The following FNBP1 variants were observed in gnomAD, a reference collection of about 807,000 sequenced individuals.
The protein encoded by FNBP1 is formin binding protein 1.
In FNBP1, 26 loss-of-function variants were observed where a neutral mutation model predicts 90.6. That is an observed-to-expected ratio of 0.29 (90% CI 0.21 to 0.40). The LOEUF (loss-of-function observed/expected upper bound fraction) is 0.40. FNBP1 is among the 10% of genes least tolerant of loss of function. FNBP1 has a pLI of 1.00. For synonymous variants in FNBP1, 260 were observed against 265.2 expected (o/e 0.98, Z 0.19); for missense variants, 635 against 768.0 (o/e 0.83, Z 2.05).
chr9:129,894,111 C>A (rs1049851384), intron 16 of FNBP1, among the ~76,000 whole-genome samples: 1 of 151,970 alleles, frequency 6.6e-6, no homozygotes, highest in Admixed American at 6.6e-5. Context: ...AATGTAGAGG[C>A]AGGCAGGGGC....
rs533088855 is a variant in FNBP1 at position 129,956,755 on chromosome 9, G to A, written c.513+605C>T. ...CTCTCAAGAAATTGACTTTCTCTTT[G>A]AAAAGCCATTAAGAGCCACAACCTT... On this transcript the variant is annotated intron_variant, in intron 6 of 16. Transcript: ENST00000446176. 5.9e-5 allele frequency among the ~76,000 whole-genome samples: 9 copies of A among 152,240 alleles called. No individual in the cohort carries two copies. The South Asian group carries it at 1.9e-3, about 32-fold the overall frequency.
intron 1 of FNBP1, among the ~76,000 whole-genome samples, chr9:130,007,797 C>A (rs2055982787): frequency 6.6e-6 from 1 of 152,114 alleles, no homozygotes. Flanking sequence ...GGCTGGATCA[C>A]CTGAGGTCAG....
At chr9:129,910,958 A>C (rs1254642047) in intron 11 of FNBP1, among the ~76,000 whole-genome samples, 3 of 152,184 alleles carry the variant, frequency 2.0e-5, no homozygotes, top group Non-Finnish European at 4.4e-5. Flanking sequence ...TCTAAGATGA[A>C]GCAAAACTAA....
Position 129,890,649 on chromosome 9 carries a change from G to A in FNBP1, c.1847-103C>T. On this transcript the variant is annotated intron_variant, in intron 16 of 16. Transcript: ENST00000446176. This position sits in a 1 kb window ranked among gnomAD's most constrained non-coding sequence, Gnocchi z 5.8. ...TTGGCTACAAACTGCACCGCCCTGGGAGGGGAGGGTAGTGGGAGGGGAGGG... is the reference window on the plus strand; with the variant it reads ...TTGGCTACAAACTGCACCGCCCTGGAAGGGGAGGGTAGTGGGAGGGGAGGG... 2.6e-6 allele frequency: 2 copies of A among 781,272 alleles called. No homozygotes were observed. Among genetic ancestry groups the A allele is most frequent in the South Asian group, 3.0e-5 (2 of 67,734 alleles). 48.4% of individuals were successfully genotyped at this position (781,272 alleles called of 1,614,324 possible). A position where few individuals can be genotyped will look rare whatever the true frequency, so the allele number is the denominator to read the frequency against.
intron 10 of FNBP1, among the ~76,000 whole-genome samples, chr9:129,918,227 T>C (rs2131747457): frequency 6.6e-6 from 1 of 152,356 alleles, no homozygotes; most frequent in South Asian, 2.1e-4. Context: ...TTCGACTTTA[T>C]TTGTGATGGA....
At chr9:129,948,114 A>AC (rs1437126758) in intron 6 of FNBP1, among the ~76,000 whole-genome samples, 10 of 151,402 alleles carry the variant, frequency 6.6e-5, no homozygotes, top group Admixed American at 3.3e-4. Flanking sequence ...ACATAGGGAG[A>AC]CCCCGTCTCT....
chr9:129,902,907 T>G lies in FNBP1; in HGVS notation c.1390A>C (p.Asn464His). ...LDHKLAEVSQ[N>H]IEKLRVETQK... The stretch of plus-strand genomic sequence containing the variant: ...GTCTCTACTCGCAGTTTCTCTATAT[T>G]TTGGCTGACTTCTGCTAATTTGTGA... The change falls in exon 13 of 17, where the codon AAT becomes CAT. Residue 464 changes from asparagine (N) to histidine (H), a missense_variant. Physicochemically the swap from Asn to His is moderately conservative, Grantham distance 68. Coordinates refer to ENST00000446176, the MANE Select transcript of FNBP1 (RefSeq NM_015033.3). 6.2e-7 allele frequency: 1 copy of G among 1,613,616 alleles called. No individual in the cohort carries two copies. Among genetic ancestry groups the G allele is most frequent in the Non-Finnish European group, 8.5e-7 (1 of 1,179,754 alleles).
At chr9:129,920,868 C>T (rs951691572) in intron 10 of FNBP1, among the ~76,000 whole-genome samples, 1 of 152,148 alleles carries the variant, frequency 6.6e-6, no homozygotes, top group African/African-American at 2.4e-5. Context: ...GGTTAACTGA[C>T]AGTTCATATG....
chr9:129,923,939 A>C lies in FNBP1; in HGVS notation c.1075T>G (p.Ser359Ala). The change falls in exon 10 of 17, where the codon TCT becomes GCT. Residue 359 changes from serine to alanine, a missense_variant. Physicochemically the swap from Ser to Ala is moderately conservative, Grantham distance 99. Transcript: ENST00000446176. ...AGGGGTTCCTTTTGCTGCTTGGGAG[A>C]CTGGGGGCCGTTGGGAACAGCAGAG... Reference protein sequence around the residue: ...SPSAVPNGPQSPKQQKEPLSH... With the variant: ...SPSAVPNGPQAPKQQKEPLSH... The C allele has an allele frequency of 6.6e-7, 1 of 1,504,982 alleles. No individual in the cohort carries two copies. The highest frequency in any genetic ancestry group is 8.9e-7 in the Non-Finnish European group (1 of 1,124,116). 93.2% of individuals were successfully genotyped at this position (1,504,982 alleles called of 1,614,324 possible). A position where few individuals can be genotyped will look rare whatever the true frequency, so the allele number is the denominator to read the frequency against.
chr9:130,048,109 CAT>C (rs779891109), upstream of FNBP1, among the ~76,000 whole-genome samples: 14 of 151,612 alleles, frequency 9.2e-5, no homozygotes, highest in Non-Finnish European at 1.9e-4. Context: ...CGCTTGAGCC[CAT>C]GAGTTCAAGA....
At chr9:129,914,135 C>G (rs903019392) in intron 11 of FNBP1, among the ~76,000 whole-genome samples, 1 of 151,516 alleles carries the variant, frequency 6.6e-6, no homozygotes, top group Non-Finnish European at 1.5e-5. Flanking sequence ...AGATTACAGG[C>G]GTGAGCCACC....
intron 1 of FNBP1, among the ~76,000 whole-genome samples, chr9:130,004,123 C>T (rs566892559): frequency 4.0e-4 from 61 of 150,744 alleles, no homozygotes; most frequent in African/African-American, 1.4e-3. Flanking sequence ...ACCGGCTGGG[C>T]GCGGTGGCTC....
intron 1 of FNBP1, chr9:130,013,799 T>C (rs2056913729): frequency 4.4e-6 from 2 of 451,868 alleles, no homozygotes; most frequent in Non-Finnish European, 8.9e-6. Flanking sequence ...AATATCATTA[T>C]CAAAGGAGTG....
At chr9:129,929,197 G>A (rs1408800516) in intron 7 of FNBP1, among the ~76,000 whole-genome samples, 1 of 151,964 alleles carries the variant, frequency 6.6e-6, no homozygotes, top group Non-Finnish European at 1.5e-5. Flanking sequence ...ATCACCTGAG[G>A]TCATGACTTT....
chr9:129,972,083 T>C (rs1309321011), intron 4 of FNBP1, among the ~76,000 whole-genome samples: 1 of 152,180 alleles, frequency 6.6e-6, no homozygotes, highest in Admixed American at 6.6e-5. Flanking sequence ...GGGTCTAAAA[T>C]GTTAAAAGCA....
intron 7 of FNBP1, among the ~76,000 whole-genome samples, chr9:129,927,887 T>G (rs750810216): frequency 2.0e-5 from 3 of 150,826 alleles, no homozygotes; most frequent in Non-Finnish European, 4.4e-5. Context: ...GCCTCCAAAG[T>G]GCTGGGATTA....
At chr9:129,895,228 G>A in intron 16 of FNBP1, 1 of 1,040,886 alleles carries the variant, frequency 9.6e-7, no homozygotes, top group Non-Finnish European at 1.2e-6. Flanking sequence ...GCCCTACCAA[G>A]GATGCTGACC....
intron 4 of FNBP1, 117 bp from the exon 5 acceptor site, chr9:129,958,670 T>C: frequency 1.3e-6 from 1 of 791,528 alleles, no homozygotes. Flanking sequence ...GTATGTATGC[T>C]CCAAAGAAAT....
intron 2 of FNBP1, among the ~76,000 whole-genome samples, chr9:129,985,961 C>CAAA (rs898462142): frequency 0.012 from 525 of 45,076 alleles, 3 homozygotes; most frequent in Non-Finnish European, 0.015. Flanking sequence ...AGCTCCATCT[C>CAAA]AAAAAAAAAA....
Sources: gnomAD v4.1 joint callset for allele counts (sites outside exome capture counted in the v4.1 genomes callset) on GRCh38, gnomAD v4.1.1 for gene constraint, Gnocchi (gnomAD v3.1) non-coding constraint, MANE v1.5 for transcripts, NCBI Gene and HGNC (gene_info 2026-07-23, HGNC 2026-07-21) for gene names.